The following SP7 variants were observed in gnomAD, a reference collection of about 807,000 sequenced individuals.
SP7 encodes the protein transcription factor Sp7.
SP7 carries 13 observed loss-of-function variants against 27.9 expected under a neutral mutation model. That is an observed-to-expected ratio of 0.47 (90% CI 0.30 to 0.74). The LOEUF (loss-of-function observed/expected upper bound fraction) is 0.74, where lower values mean the gene tolerates loss of function less well. SP7 is among the 30% of genes least tolerant of loss of function. The probability of loss-of-function intolerance (pLI) is 0.06; values close to 1 mark genes in which losing one functional copy is unlikely to be tolerated. For synonymous variants in SP7, 219 were observed against 226.7 expected, an observed-to-expected ratio of 0.97 and a Z score of 0.31; for missense variants, 525 against 558.0, an observed-to-expected ratio of 0.94 and a Z score of 0.60.
Position 53,335,675 on chromosome 12 carries a change from G to A in SP7, c.-29C>T, listed in dbSNP as rs200379099. ...GAGGCTGGGGAACGGGTCCCAAGGA[G>A]CCAGGCAGATGGAGAGAGCTGAGCC... On this transcript the variant is annotated 5_prime_UTR_variant, in exon 2 of 3. Transcript: ENST00000536324. 237 of 1,408,510 alleles carry A rather than the reference G, an allele frequency of 1.7e-4. No homozygotes were observed. In the African/African-American group the frequency reaches 3.4e-3, roughly 20 times the overall value. 87.3% of individuals were successfully genotyped at this position (1,408,510 alleles called of 1,614,324 possible). A position where few individuals can be genotyped will look rare whatever the true frequency, so the allele number is the denominator to read the frequency against.
Position 53,331,880 on chromosome 12 carries a change from G to A in SP7, c.22-2460C>T, listed in dbSNP as rs113318476. ...TGTAGTATGTGTACGATGCCAATCC[G>A]AGAGGTGGGCCTGGGGCCCTGGGGT... On this transcript the variant is annotated intron_variant, in intron 2 of 2. Coordinates refer to ENST00000536324, the MANE Select transcript of SP7 (RefSeq NM_001173467.3). Among the ~76,000 whole-genome samples the A allele has an allele frequency of 7.8e-3, 1,192 of 152,290 alleles. 19 individuals are homozygous for A. Among genetic ancestry groups the A allele is most frequent in the African/African-American group, 0.027 (1,119 of 41,540 alleles).
upstream of SP7, among the ~76,000 whole-genome samples, chr12:53,339,148 A>C (rs1377024711): frequency 6.7e-6 from 1 of 150,242 alleles, no homozygotes; most frequent in East Asian, 2.0e-4. Context: ...TCTATCCACC[A>C]CCCCCCACCA....
chr12:53,341,522 A>C (rs1944822419), intron 1 of SP7, among the ~76,000 whole-genome samples: 1 of 152,216 alleles, frequency 6.6e-6, no homozygotes, highest in South Asian at 2.1e-4. Flanking sequence ...CTTTGTAAAA[A>C]CGATACCCTA....
chr12:53,327,953 T>C lies in SP7; in HGVS notation c.*193A>G, dbSNP rs1024251262. On this transcript the variant is annotated 3_prime_UTR_variant, in exon 3 of 3. Coordinates refer to ENST00000536324, the MANE Select transcript of SP7 (RefSeq NM_001173467.3). ...GAGAGTTTGTGGAAAGCCAGTCTCA[T>C]GGTGAAGAGAGAAGGTGAGCTGAGG... is the stretch of plus-strand genomic sequence containing the variant. The C allele has an allele frequency of 1.8e-6, 1 of 570,368 alleles. No individual in the cohort carries two copies. The highest frequency in any genetic ancestry group is 3.0e-6 in the Non-Finnish European group (1 of 330,720). 35.3% of individuals were successfully genotyped at this position (570,368 alleles called of 1,614,324 possible).
chr12:53,335,494 C>T lies in SP7; in HGVS notation c.21+132G>A, dbSNP rs567530885. 103 of 717,646 alleles carry T rather than the reference C, an allele frequency of 1.4e-4. No individual in the cohort carries two copies. In the African/African-American group the frequency reaches 1.5e-3, roughly 11 times the overall value. The allele number at this position is 717,646 out of a possible 1,614,324, so 44.5% of individuals were successfully genotyped here. On this transcript the variant is annotated intron_variant, in intron 2 of 2. Transcript: ENST00000536324. ...CCTTTCTTGGACCCCACTCCTCTCTCCTCATCAGAAGGACCCCTGGAATTG... is the reference window on the plus strand; with the variant it reads ...CCTTTCTTGGACCCCACTCCTCTCTTCTCATCAGAAGGACCCCTGGAATTG...
chr12:53,333,304 G>T (rs770806814), intron 2 of SP7, among the ~76,000 whole-genome samples: 1 of 152,094 alleles, frequency 6.6e-6, no homozygotes, highest in Non-Finnish European at 1.5e-5. Context: ...TCCCACCTTC[G>T]AGTTGTTCCC....
intron 2 of SP7, among the ~76,000 whole-genome samples, chr12:53,332,527 A>G (rs375166481): frequency 6.6e-6 from 1 of 152,148 alleles, no homozygotes; most frequent in South Asian, 2.1e-4. Context: ...GCAGTGAGCT[A>G]TGATTGTGCC....
rs1944635789 is a variant in SP7 at position 53,326,856 on chromosome 12, C to T, written c.*1290G>A. ...AGCTTGGGGGCCTCTGTCCTCCTAGCTCTTTAAGTTCTTTCTCAGGGCTTC... is the reference window on the plus strand; with the variant it reads ...AGCTTGGGGGCCTCTGTCCTCCTAGTTCTTTAAGTTCTTTCTCAGGGCTTC... On this transcript the variant is annotated 3_prime_UTR_variant, in exon 3 of 3. Coordinates refer to ENST00000536324, the MANE Select transcript of SP7 (RefSeq NM_001173467.3). 1 of 152,314 alleles carries T rather than the reference C, an allele frequency of 6.6e-6. No homozygotes were observed. Among genetic ancestry groups the T allele is most frequent in the Non-Finnish European group, 1.5e-5 (1 of 68,054 alleles). The allele number at this position is 152,314 out of a possible 1,614,324, so 9.4% of individuals were successfully genotyped here.
At chr12:53,339,756 CTG>C, upstream of SP7, among the ~76,000 whole-genome samples, 1 of 148,004 alleles carries the variant, frequency 6.8e-6, no homozygotes, top group East Asian at 2.2e-4. Flanking sequence ...AAAAAAAAAA[CTG>C]GGGAGAGTGG....
upstream of SP7, chr12:53,336,444 AG>A (rs566308425): frequency 8.6e-5 from 12 of 138,742 alleles, no homozygotes; most frequent in South Asian, 2.6e-4. Context: ...TTAGAGATCC[AG>A]GGGGGGGATG....
At chr12:53,332,524 G>T (rs1944717033) in intron 2 of SP7, among the ~76,000 whole-genome samples, 1 of 152,154 alleles carries the variant, frequency 6.6e-6, no homozygotes, top group South Asian at 2.1e-4. Flanking sequence ...GCTGCAGTGA[G>T]CTATGATTGT....
At chr12:53,334,064 G>T (rs73311334) in intron 2 of SP7, among the ~76,000 whole-genome samples, 87 of 152,300 alleles carry the variant, frequency 5.7e-4, no homozygotes, top group African/African-American at 2.0e-3. Flanking sequence ...GGTGGACCCA[G>T]GATTTCCATG....
chr12:53,340,006 T>G (rs964133885), upstream of SP7, among the ~76,000 whole-genome samples: 5 of 152,056 alleles, frequency 3.3e-5, no homozygotes, highest in African/African-American at 1.2e-4. Context: ...ACAGACACAT[T>G]CAGATCTGCA....
chr12:53,332,885 G>A (rs1299034918), intron 2 of SP7, among the ~76,000 whole-genome samples: 1 of 152,020 alleles, frequency 6.6e-6, no homozygotes, highest in African/African-American at 2.4e-5. Flanking sequence ...CGGCTCCGAT[G>A]GTTTCCCTGC....
At chr12:53,343,669 G>A (rs1417571656) in intron 1 of SP7, among the ~76,000 whole-genome samples, 1 of 152,166 alleles carries the variant, frequency 6.6e-6, no homozygotes, top group Non-Finnish European at 1.5e-5. Flanking sequence ...TTGGGAGAAG[G>A]GCAAAATCGG....
rs1944660957 is a variant in SP7, at chr12:53,328,473, G to A, written c.969C>T (p.Pro323=). The A allele has an allele frequency of 1.2e-6, 2 of 1,613,964 alleles. No individual in the cohort carries two copies. The highest frequency in any genetic ancestry group is 1.7e-6 in the Non-Finnish European group (2 of 1,179,900). The change falls in exon 3 of 3, where the codon CCC becomes CCT. Residue 323 remains proline, a synonymous_variant. Coordinates refer to ENST00000536324, the MANE Select transcript of SP7 (RefSeq NM_001173467.3). The surrounding 1 kb of genome is among the most constrained non-coding windows in gnomAD (Gnocchi z 5.1). ...AHLRWHTGER[P]FVCNWLFCGK... The stretch of plus-strand genomic sequence containing the variant: ...CGCAGAAGAGCCAGTTGCAGACGAA[G>A]GGCCTCTCGCCTGTGTGCCAGCGCA...
Position 53,328,745 on chromosome 12 carries a change from C to T in SP7, c.697G>A (p.Ala233Thr). ...TCTAGCTGCCCACTATTTCCCACTG[C>T]CTTGGGTTTATAGACATCTTGGGGC... ...VLPQDVYKPK[A>T]VGNSGQLEGS... Residue 233 changes from alanine (A) to threonine (T), a missense_variant, in exon 3 of 3, where the codon GCA (alanine) becomes ACA (threonine). Transcript: ENST00000536324. The surrounding 1 kb of genome is among the most constrained non-coding windows in gnomAD (Gnocchi z 5.1). 6.2e-7 allele frequency: 1 copy of T among 1,606,794 alleles called. No individual in the cohort carries two copies. Among genetic ancestry groups the T allele is most frequent in the Non-Finnish European group, 8.5e-7 (1 of 1,174,736 alleles).
chr12:53,331,349 G>A (rs180762623), intron 2 of SP7, among the ~76,000 whole-genome samples: 61 of 152,010 alleles, frequency 4.0e-4, no homozygotes, highest in African/African-American at 1.3e-3. Flanking sequence ...GCAGGCGCCT[G>A]TAATCCCAGC....
At position 53,328,257 on chromosome 12, in the gene SP7, G is replaced by A. The variant is rs539339013; in HGVS notation, c.1185C>T (p.Arg395=). ...GACTGGCCTCCTCTTCCCCCGTGCT[G>A]CGGCCCTCCCCCAGCTCCTTGGGGC... The part of the protein sequence containing the change: ...PSGPKELGEG[R]STGEEEASQT... Residue 395 remains arginine (R), a synonymous_variant, in exon 3 of 3, where the codon CGC becomes CGT. Transcript: ENST00000536324. The surrounding 1 kb of genome is among the most constrained non-coding windows in gnomAD (Gnocchi z 5.1). The A allele has an allele frequency of 1.9e-6, 3 of 1,612,080 alleles. No homozygotes were observed. The highest frequency in any genetic ancestry group is 2.2e-5 in the South Asian group (2 of 90,854).
Sources: allele counts gnomAD v4.1 joint callset (sites outside exome capture counted in the v4.1 genomes callset), GRCh38; gene constraint gnomAD v4.1.1; non-coding constraint Gnocchi (gnomAD v3.1); transcripts MANE v1.5; gene names NCBI Gene and HGNC (gene_info 2026-07-23, HGNC 2026-07-21).